BAG4: variants seen among roughly 807,000 people sequenced by gnomAD.
The protein encoded by BAG4 is BAG family molecular chaperone regulator 4.
BAG4 carries 28 observed loss-of-function variants against 52.1 expected under a neutral mutation model. The observed-to-expected ratio is 0.54, with a 90% confidence interval of 0.40 to 0.74. The LOEUF (loss-of-function observed/expected upper bound fraction) is 0.74. Among genes scored for constraint, BAG4 ranks in the 30% least tolerant of loss-of-function variants. The probability of loss-of-function intolerance (pLI) is 0.00; values close to 1 mark genes in which losing one functional copy is unlikely to be tolerated. For missense variants in BAG4, 525 were observed against 572.0 expected, an observed-to-expected ratio of 0.92 and a Z score of 0.84; for synonymous variants, 208 against 217.0, an observed-to-expected ratio of 0.96 and a Z score of 0.37.
chr8:38,192,871 A>C lies in BAG4; in HGVS notation c.378+76A>C, dbSNP rs1404250056. 6 of 1,145,666 alleles carry C rather than the reference A, an allele frequency of 5.2e-6. 1 individual carries two copies. Among genetic ancestry groups the C allele is most frequent in the Non-Finnish European group, 7.5e-6 (6 of 804,066 alleles). The allele number at this position is 1,145,666 out of a possible 1,614,324, so 71.0% of individuals were successfully genotyped here. A position where few individuals can be genotyped will look rare whatever the true frequency, so the allele number is the denominator to read the frequency against. On this transcript the variant is annotated intron_variant, in intron 2 of 4. Transcript: ENST00000287322. ...TATTTTCAAAACCTGTGCAGATTTT[A>C]GAGCAGTGATGAGTGTGTGTTTTTT... is the stretch of plus-strand genomic sequence containing the variant.
At chr8:38,189,811 G>A (rs953691817) in intron 1 of BAG4, among the ~76,000 whole-genome samples, 2 of 113,220 alleles carry the variant, frequency 1.8e-5, no homozygotes, top group Non-Finnish European at 2.0e-5. Flanking sequence ...GTTAAATTAC[G>A]TTTTGTTGTT....
intron 1 of BAG4, among the ~76,000 whole-genome samples, chr8:38,179,308 C>T (rs898150780): frequency 2.6e-5 from 4 of 151,942 alleles, no homozygotes; most frequent in Admixed American, 6.6e-5. Flanking sequence ...AGGCGCCTGC[C>T]ACCATGCCCA....
intron 2 of BAG4, among the ~76,000 whole-genome samples, chr8:38,198,633 C>T (rs573250096): frequency 4.9e-4 from 74 of 151,082 alleles, no homozygotes; most frequent in African/African-American, 1.0e-3. Flanking sequence ...GGACTACAGG[C>T]GCCCACCACC....
At chr8:38,188,641 ATACATG>A (rs1483321653) in intron 1 of BAG4, among the ~76,000 whole-genome samples, 2 of 236 alleles carry the variant, frequency 8.5e-3, no homozygotes, top group Non-Finnish European at 0.062. Context: ...ATATACATAT[ATACATG>A]TATACATATA....
chr8:38,177,251 G>A, intron 1 of BAG4, 112 bp downstream of exon 1: 9 of 1,437,126 alleles, frequency 6.3e-6, no homozygotes, highest in Non-Finnish European at 8.4e-6. Context: ...GTGTGTTGCG[G>A]GGGGTGTTGG....
In BAG4 at chr8:38,207,646, T is replaced by A. The variant is rs1803794746; in HGVS notation, c.513T>A (p.Ser171Arg). ...CCAGTTACTCCACAGAAGTTCCAAG[T>A]ACTTACCGTTCATCTGGCAACAGCC... ...TQTSYSTEVP[S>R]TYRSSGNSPT... is the part of the protein sequence containing the mutation. The change falls in exon 3 of 5, where the codon AGT (serine) becomes AGA (arginine). Residue 171 changes from serine (S) to arginine (R), a missense_variant. By Grantham distance (110) the Ser-to-Arg change is moderately radical. Coordinates refer to ENST00000287322, the MANE Select transcript of BAG4 (RefSeq NM_004874.4). 1 of 1,614,146 alleles carries A rather than the reference T, an allele frequency of 6.2e-7. No homozygotes were observed. Among genetic ancestry groups the A allele is most frequent in the Non-Finnish European group, 8.5e-7 (1 of 1,180,028 alleles).
At chr8:38,194,639 C>G (rs1181473299) in intron 2 of BAG4, among the ~76,000 whole-genome samples, 1 of 151,116 alleles carries the variant, frequency 6.6e-6, no homozygotes, top group Non-Finnish European at 1.5e-5. Flanking sequence ...TGGTCTCGAA[C>G]TCCTGACCTC....
rs1209566530 is a variant in BAG4 at position 38,176,921 on chromosome 8, G to T, written c.52G>T (p.Gly18Cys). 1.9e-6 allele frequency: 3 copies of T among 1,550,502 alleles called. No homozygotes were observed. Among genetic ancestry groups the T allele is most frequent in the East Asian group, 4.9e-5 (2 of 41,034 alleles). The change falls in exon 1 of 5, where the codon GGC becomes TGC. Residue 18 changes from glycine (G) to cysteine (C), a missense_variant. By Grantham distance (159) the Gly-to-Cys change is radical. Coordinates refer to ENST00000287322, the MANE Select transcript of BAG4 (RefSeq NM_004874.4). Reference protein sequence around the residue: ...GYGPSDGPSYGRYYGPGGGDV... With the variant: ...GYGPSDGPSYCRYYGPGGGDV... ...CGGCCCCAGTGACGGTCCGTCCTAC[G>T]GCCGCTACTACGGGCCTGGGGGTGG...
chr8:38,203,874 C>G (rs898464710), intron 2 of BAG4: 1 of 153,212 alleles, frequency 6.5e-6, no homozygotes, highest in African/African-American at 2.4e-5. Context: ...TAATACTTAT[C>G]GCAGACATGT....
rs1331626793 is a variant in BAG4, at chr8:38,207,527, A to G, written c.394A>G (p.Thr132Ala). 3 of 1,610,836 alleles carry G rather than the reference A, an allele frequency of 1.9e-6. No homozygotes were observed. The South Asian group carries it at 3.3e-5, about 18-fold the overall frequency. ...TTTTTTTCAGAGTTTGAATTCTTATACAAATGGAGCGTATGGTCCAACATA... is the reference window on the plus strand; with the variant it reads ...TTTTTTTCAGAGTTTGAATTCTTATGCAAATGGAGCGTATGGTCCAACATA... The part of the protein sequence containing the change: ...ELQGQSLNSY[T>A]NGAYGPTYPP... Residue 132 changes from threonine (T) to alanine (A), a missense_variant, in exon 3 of 5, where the codon ACA becomes GCA. Thr to Ala is a moderately conservative substitution (Grantham distance 58). Transcript: ENST00000287322.
In BAG4 at chr8:38,212,687, G is replaced by T. The variant is rs1011866197; in HGVS notation, c.*2194G>T. The T allele has an allele frequency of 6.6e-6, 1 of 152,118 alleles. No homozygotes were observed. Among genetic ancestry groups the T allele is most frequent in the African/African-American group, 2.4e-5 (1 of 41,426 alleles). The allele number at this position is 152,118 out of a possible 1,614,324, so 9.4% of individuals were successfully genotyped here. A position where few individuals can be genotyped will look rare whatever the true frequency, so the allele number is the denominator to read the frequency against. On this transcript the variant is annotated 3_prime_UTR_variant, in exon 5 of 5. Transcript: ENST00000287322. ...TACCTGATGTTGTAATGTATTTCTG[G>T]TGTTGTTAACCTTGATCACTATGCT... is the stretch of plus-strand genomic sequence containing the variant.
chr8:38,190,006 C>G (rs1186927532), intron 1 of BAG4, among the ~76,000 whole-genome samples: 1 of 152,138 alleles, frequency 6.6e-6, no homozygotes, highest in Non-Finnish European at 1.5e-5. Flanking sequence ...AGGATGGTCT[C>G]TATCTCCTGA....
chr8:38,191,760 CAAAAAA>C (rs35851034), intron 1 of BAG4, among the ~76,000 whole-genome samples: 5 of 72,624 alleles, frequency 6.9e-5, no homozygotes, highest in African/African-American at 1.6e-4. Flanking sequence ...AACTCTGTCT[CAAAAAA>C]AAAAAAAAAA....
At chr8:38,179,123 A>G (rs1391709635) in intron 1 of BAG4, among the ~76,000 whole-genome samples, 1 of 152,208 alleles carries the variant, frequency 6.6e-6, no homozygotes, top group Non-Finnish European at 1.5e-5. Context: ...AAACAATTGT[A>G]TGAGAAAAAC....
In BAG4 at chr8:38,198,570, C is replaced by G. The variant is rs1183923239; in HGVS notation, c.378+5775C>G. On this transcript the variant is annotated intron_variant, in intron 2 of 4. Coordinates refer to ENST00000287322, the MANE Select transcript of BAG4 (RefSeq NM_004874.4). Reference sequence around the variant, plus strand: ...GTGGTGCGATCTCGGCTTACTGCGACCTCCGCCTCCCAGGTTCAAGCAATT... The same window carrying G: ...GTGGTGCGATCTCGGCTTACTGCGAGCTCCGCCTCCCAGGTTCAAGCAATT... 2.5e-4 allele frequency among the ~76,000 whole-genome samples: 37 copies of G among 148,996 alleles called. No individual in the cohort carries two copies. The South Asian group carries it at 7.6e-3, about 31-fold the overall frequency.
At chr8:38,208,554 G>A (rs932806045) in intron 3 of BAG4, among the ~76,000 whole-genome samples, 2 of 151,396 alleles carry the variant, frequency 1.3e-5, no homozygotes, top group Non-Finnish European at 2.9e-5. Context: ...CTCGTGATCC[G>A]CCCATCTCAG....
intron 2 of BAG4, among the ~76,000 whole-genome samples, chr8:38,203,501 T>G (rs1303891034): frequency 6.6e-6 from 1 of 152,082 alleles, no homozygotes; most frequent in East Asian, 1.9e-4. Context: ...GCCAGGATGG[T>G]CTCGATCTCC....
chr8:38,210,116 G>A lies in BAG4; in HGVS notation c.997G>A (p.Asp333Asn). 1 of 1,614,164 alleles carries A rather than the reference G, an allele frequency of 6.2e-7. No homozygotes were observed. The highest frequency in any genetic ancestry group is 8.5e-7 in the Non-Finnish European group (1 of 1,180,048). Residue 333 changes from aspartate (D) to asparagine (N), a missense_variant, in exon 5 of 5, where the codon GAT (aspartate) becomes AAT (asparagine). Physicochemically the swap from Asp to Asn is conservative, Grantham distance 23 (BLOSUM62 1). Transcript: ENST00000287322. ...SSGTVNNDDS[D>N]LLDSQVQYSA... The stretch of plus-strand genomic sequence containing the variant: ...GGGGACAGTGAACAATGATGATTCA[G>A]ATCTTTTGGATTCCCAAGTCCAGTA...
chr8:38,190,018 C>T (rs969472000), intron 1 of BAG4, among the ~76,000 whole-genome samples: 2 of 152,170 alleles, frequency 1.3e-5, no homozygotes, highest in African/African-American at 2.4e-5. Flanking sequence ...ATCTCCTGAC[C>T]TCGTGATCCA....
Sources: gnomAD v4.1 joint callset for allele counts (sites outside exome capture counted in the v4.1 genomes callset) on GRCh38, gnomAD v4.1.1 for gene constraint, MANE v1.5 for transcripts, NCBI Gene and HGNC (gene_info 2026-07-23, HGNC 2026-07-21) for gene names.